Variants in FANCL observed in about 807,000 individuals in gnomAD.
FANCL encodes the protein E3 ubiquitin-protein ligase FANCL.
In FANCL, 69 loss-of-function variants were observed where a neutral mutation model predicts 59.4. The observed-to-expected ratio is 1.16, with a 90% confidence interval of 0.96 to 1.42. FANCL has a LOEUF of 1.42. FANCL is among the 40% of genes most tolerant of loss of function. The probability of loss-of-function intolerance (pLI) is 0.00; values close to 1 mark genes in which losing one functional copy is unlikely to be tolerated. For synonymous variants in FANCL, 180 were observed against 147.1 expected, an observed-to-expected ratio of 1.22 and a Z score of -1.62; for missense variants, 519 against 447.2, an observed-to-expected ratio of 1.16 and a Z score of -1.45.
intron 4 of FANCL, 24 bp downstream of exon 4, chr2:58,226,704 G>A (rs1407449985): frequency 6.5e-7 from 1 of 1,541,270 alleles, no homozygotes; most frequent in Middle Eastern, 1.7e-4. Flanking sequence ...TGGTAACAGT[G>A]TCAGAAAAAA....
At chr2:58,226,921 G>C in intron 3 of FANCL, 137 bp from the exon 4 acceptor site, 6 of 728,664 alleles carry the variant, frequency 8.2e-6, no homozygotes, top group Non-Finnish European at 1.4e-5. Flanking sequence ...AAGAAATGAA[G>C]TATCGGTCAT....
intron 5 of FANCL, among the ~76,000 whole-genome samples, chr2:58,207,327 A>C (rs1272391831): frequency 2.0e-5 from 3 of 152,162 alleles, no homozygotes; most frequent in Admixed American, 2.0e-4. Flanking sequence ...GCACTGTTTA[A>C]AACGGTAGCC....
intron 2 of FANCL, 40 bp from the exon 3 acceptor site, chr2:58,229,914 A>G: frequency 6.9e-7 from 1 of 1,440,182 alleles, no homozygotes; most frequent in Non-Finnish European, 9.8e-7. Context: ...TTCATTGTTC[A>G]GAATTAAAAA....
At chr2:58,177,314 A>T (rs1163098254) in intron 7 of FANCL, among the ~76,000 whole-genome samples, 1 of 152,186 alleles carries the variant, frequency 6.6e-6, no homozygotes, top group Non-Finnish European at 1.5e-5. Flanking sequence ...TCATGCTGCT[A>T]TAAAGACACA....
intron 5 of FANCL, among the ~76,000 whole-genome samples, chr2:58,207,707 T>G (rs1690731449): frequency 6.6e-6 from 1 of 152,078 alleles, no homozygotes; most frequent in Middle Eastern, 3.2e-3. Flanking sequence ...GAAGAGATCT[T>G]AAAGGAAAAA....
chr2:58,208,586 G>A (rs892615183), intron 5 of FANCL, among the ~76,000 whole-genome samples: 1 of 151,994 alleles, frequency 6.6e-6, no homozygotes, highest in African/African-American at 2.4e-5. Flanking sequence ...ATTTTCTTTA[G>A]CCATCTAGAT....
intron 6 of FANCL, among the ~76,000 whole-genome samples, chr2:58,200,914 G>A (rs755125058): frequency 6.6e-6 from 1 of 151,044 alleles, no homozygotes. Flanking sequence ...CTTCATATCT[G>A]AGTTAAATGA....
chr2:58,233,420 T>C (rs1693753250), intron 1 of FANCL, among the ~76,000 whole-genome samples: 1 of 152,052 alleles, frequency 6.6e-6, no homozygotes, highest in Admixed American at 6.6e-5. Context: ...GAAATATTAA[T>C]TGTTCTCAAA....
At chr2:58,197,828 T>C (rs1689578823) in intron 7 of FANCL, among the ~76,000 whole-genome samples, 1 of 152,238 alleles carries the variant, frequency 6.6e-6, no homozygotes, top group African/African-American at 2.4e-5. Context: ...TCATAATTCA[T>C]TCTCCTCTGA....
At chr2:58,162,292 C>G (rs927372435) in intron 11 of FANCL, among the ~76,000 whole-genome samples, 1 of 151,890 alleles carries the variant, frequency 6.6e-6, no homozygotes, top group Non-Finnish European at 1.5e-5. Flanking sequence ...TTCACAAACA[C>G]TTACATCAAG....
intron 7 of FANCL, among the ~76,000 whole-genome samples, chr2:58,173,963 CA>C (rs1431506964): frequency 6.6e-6 from 1 of 151,320 alleles, no homozygotes. Context: ...AAATGGAAAA[CA>C]AAAAAAGGCA....
intron 7 of FANCL, among the ~76,000 whole-genome samples, chr2:58,182,762 C>T (rs1328349596): frequency 6.6e-6 from 1 of 151,602 alleles, no homozygotes; most frequent in Non-Finnish European, 1.5e-5. Flanking sequence ...CAATTCAATA[C>T]AGCAACTCTG....
chr2:58,229,457 T>C (rs1693363870), intron 3 of FANCL, among the ~76,000 whole-genome samples: 1 of 152,222 alleles, frequency 6.6e-6, no homozygotes, highest in Non-Finnish European at 1.5e-5. Context: ...AATCTAGGAC[T>C]AAAATCCCAT....
intron 5 of FANCL, among the ~76,000 whole-genome samples, chr2:58,220,660 T>C (rs926451006): frequency 2.0e-5 from 3 of 152,224 alleles, no homozygotes; most frequent in Non-Finnish European, 4.4e-5. Context: ...ACTTAAGATA[T>C]GTTCCTTGTT....
At chr2:58,184,507 C>T (rs141799018) in intron 7 of FANCL, among the ~76,000 whole-genome samples, 4 of 152,130 alleles carry the variant, frequency 2.6e-5, no homozygotes, top group South Asian at 2.1e-4. Context: ...CCAAAAATTA[C>T]AACCAGAACT....
In FANCL at chr2:58,241,278, G is replaced by A. The variant is rs756487177; in HGVS notation, c.36C>T (p.Cys12=). 75 of 1,614,142 alleles carry A rather than the reference G, an allele frequency of 4.6e-5. No individual in the cohort carries two copies. Among genetic ancestry groups the A allele is most frequent in the Admixed American group, 6.7e-5 (4 of 60,012 alleles). Residue 12 remains cysteine (C), a synonymous_variant, in exon 1 of 14, where the codon TGC becomes TGT. Coordinates refer to ENST00000233741, the MANE Select transcript of FANCL (RefSeq NM_018062.4). Reference sequence around the variant, plus strand: ...ACCGGTTCTGGGGCAGAAGCAGGGGGCACTGGCGCAACAGGCTCGCTTCCG... The same window carrying A: ...ACCGGTTCTGGGGCAGAAGCAGGGGACACTGGCGCAACAGGCTCGCTTCCG... ...AVTEASLLRQ[C]PLLLPQNRSK... is the part of the protein sequence containing the mutation.
intron 5 of FANCL, among the ~76,000 whole-genome samples, chr2:58,219,570 C>T (rs1034510243): frequency 6.6e-6 from 1 of 151,874 alleles, no homozygotes; most frequent in South Asian, 2.1e-4. Flanking sequence ...TACTACCTCA[C>T]CAGGTAATCA....
chr2:58,226,299 G>A (rs1009543259), intron 4 of FANCL, among the ~76,000 whole-genome samples: 2 of 152,112 alleles, frequency 1.3e-5, no homozygotes, highest in Non-Finnish European at 2.9e-5. Context: ...ATGCAACACT[G>A]ATTAAACAGT....
At chr2:58,159,887 G>A (rs767861553) in intron 13 of FANCL, 87 bp from the exon 14 acceptor site, 21 of 1,585,516 alleles carry the variant, frequency 1.3e-5, no homozygotes, top group Non-Finnish European at 1.6e-5. Context: ...TCATAGAATA[G>A]TGTCATAGTA....
Sources: gnomAD v4.1 joint callset for allele counts (sites outside exome capture counted in the v4.1 genomes callset) on GRCh38, gnomAD v4.1.1 for gene constraint, MANE v1.5 for transcripts, NCBI Gene and HGNC (gene_info 2026-07-23, HGNC 2026-07-21) for gene names.